Variants in ESYT2 observed in about 807,000 individuals in gnomAD.
ESYT2 encodes extended synaptotagmin 2.
In ESYT2, 54 loss-of-function variants were observed where a neutral mutation model predicts 107.2. The ratio of observed to expected loss-of-function variants is 0.50; its 90% CI spans 0.40 to 0.63. ESYT2 has a LOEUF of 0.63. Ranked by LOEUF, ESYT2 falls within the 30% of genes least tolerant of loss-of-function variation. The pLI is 0.00. For missense variants in ESYT2, 1,020 were observed against 1,094.5 expected (o/e 0.93, Z 0.96); for synonymous variants, 491 against 434.1 (o/e 1.13, Z -1.63).
At chr7:158,761,235 AGTTTATGCTTCATATCC>A (rs1271667978) in intron 11 of ESYT2, among the ~76,000 whole-genome samples, 1 of 152,370 alleles carries the variant, frequency 6.6e-6, no homozygotes, top group Admixed American at 6.5e-5. Context: ...CAATAACGTC[AGTTTATGCTTCATATCC>A]GTAAGGATTC....
chr7:158,804,480 AGGGTG>A (rs1839759352), intron 1 of ESYT2, among the ~76,000 whole-genome samples: 1 of 149,346 alleles, frequency 6.7e-6, no homozygotes, highest in African/African-American at 2.5e-5. Flanking sequence ...ACTGCCGAGA[AGGGTG>A]AGGCGCGTGA....
intron 13 of ESYT2, among the ~76,000 whole-genome samples, chr7:158,755,146 G>C (rs939098804): frequency 4.6e-5 from 7 of 152,128 alleles, no homozygotes; most frequent in Admixed American, 4.6e-4. Context: ...ATCGCTGGTG[G>C]CAATGCACTC....
rs370342534 is a variant in ESYT2, at chr7:158,738,915, TGA to T, written c.2267+106_2267+107del. On this transcript the variant is annotated intron_variant, in intron 19 of 22. Transcript: ENST00000275418. ...GTTTAATTGCTTTGTCCTTTCTAAATGAAACATAAATGGATGTTTGGAAATCC... is the reference window on the plus strand; with the variant it reads ...GTTTAATTGCTTTGTCCTTTCTAAATAACATAAATGGATGTTTGGAAATCC... 295 of 1,143,098 alleles carry T rather than the reference TGA, an allele frequency of 2.6e-4. 5 individuals are homozygous for T. The highest frequency in any genetic ancestry group is 2.4e-3 in the South Asian group (175 of 71,792). 70.8% of individuals were successfully genotyped at this position (1,143,098 alleles called of 1,614,324 possible).
intron 6 of ESYT2, among the ~76,000 whole-genome samples, chr7:158,778,827 C>T (rs1361450461): frequency 1.3e-5 from 2 of 151,272 alleles, no homozygotes; most frequent in Non-Finnish European, 2.9e-5. Flanking sequence ...GACATCACAC[C>T]GTGTGACTGG....
chr7:158,742,954 G>T (rs577601404), intron 17 of ESYT2, among the ~76,000 whole-genome samples: 1 of 152,284 alleles, frequency 6.6e-6, no homozygotes, highest in East Asian at 1.9e-4. Flanking sequence ...CTCAATAGAA[G>T]ACATTTGTAA....
At chr7:158,781,700 G>A (rs1838824401) in intron 6 of ESYT2, among the ~76,000 whole-genome samples, 1 of 151,622 alleles carries the variant, frequency 6.6e-6, no homozygotes. Flanking sequence ...AAGTGTCAGA[G>A]GTGGGAGTGT....
At chr7:158,813,390 G>A (rs1386767701) in intron 1 of ESYT2, among the ~76,000 whole-genome samples, 1 of 152,162 alleles carries the variant, frequency 6.6e-6, no homozygotes, top group Admixed American at 6.5e-5. Context: ...CTGAAAATGA[G>A]CTGTACTGTA....
rs555280922 is a variant in ESYT2, at chr7:158,816,178, A to C, written c.330+12911T>G. On this transcript the variant is annotated intron_variant, in intron 1 of 22. Coordinates refer to ENST00000275418, the MANE Select transcript of ESYT2 (RefSeq NM_001367773.1). ...CAACACAGTGAGACTCCATCTCTAC[A>C]AAAAATGTTTAAAATTAGCTAATTA... Among the ~76,000 whole-genome samples, 328 of 152,292 alleles carry C rather than the reference A, an allele frequency of 2.2e-3. 2 individuals are homozygous for C. The highest frequency in any genetic ancestry group is 3.0e-3 in the Non-Finnish European group (202 of 68,016).
In ESYT2 at chr7:158,829,265, C is replaced by A. The variant is rs1461685941; in HGVS notation, c.154G>T (p.Ala52Ser). Residue 52 changes from alanine to serine, a missense_variant, in exon 1 of 23, where the codon GCG becomes TCG. Physicochemically the swap from Ala to Ser is moderately conservative, Grantham distance 99. Coordinates refer to ENST00000275418, the MANE Select transcript of ESYT2 (RefSeq NM_001367773.1). ...AAGCTGAGCCCCAGGTAGCCCAGCG[C>A]GTACACGGGCAGCAGCAGCGCGAAG... ...RSFALLLPVY[A>S]LGYLGLSFSW... The A allele has an allele frequency of 1.3e-6, 2 of 1,523,886 alleles. No homozygotes were observed. Among genetic ancestry groups the A allele is most frequent in the Non-Finnish European group, 1.7e-6 (2 of 1,144,314 alleles). 94.4% of individuals were successfully genotyped at this position (1,523,886 alleles called of 1,614,324 possible).
At chr7:158,823,332 T>TC (rs1380468849) in intron 1 of ESYT2, among the ~76,000 whole-genome samples, 1 of 144,854 alleles carries the variant, frequency 6.9e-6, no homozygotes, top group African/African-American at 2.5e-5. Flanking sequence ...GACATTGGAT[T>TC]TTTTTTTTTT....
intron 1 of ESYT2, among the ~76,000 whole-genome samples, chr7:158,820,691 C>G (rs1407789274): frequency 3.3e-5 from 5 of 152,200 alleles, no homozygotes; most frequent in African/African-American, 9.6e-5. Flanking sequence ...GAGGCTGAGG[C>G]GGGAGGGGTG....
At chr7:158,760,251 G>C in intron 11 of ESYT2, 104 bp from the exon 12 acceptor site, 1 of 978,756 alleles carries the variant, frequency 1.0e-6, no homozygotes, top group Non-Finnish European at 1.6e-6. Context: ...TAACCACGAG[G>C]CATCAACAGT....
intron 15 of ESYT2, 48 bp from the exon 16 acceptor site, chr7:158,748,328 G>A (rs1487416456): frequency 1.4e-6 from 2 of 1,432,974 alleles, no homozygotes; most frequent in Non-Finnish European, 9.8e-7. Context: ...CTGTGGAAAA[G>A]GGCTACTCAT....
rs376461458 is a variant in ESYT2 at position 158,815,347 on chromosome 7, C to T, written c.330+13742G>A. 3.6e-4 allele frequency among the ~76,000 whole-genome samples: 55 copies of T among 152,286 alleles called. 2 individuals carry two copies. In the East Asian group the frequency reaches 6.0e-3, roughly 17 times the overall value. On this transcript the variant is annotated intron_variant, in intron 1 of 22. Transcript: ENST00000275418. ...AGTAATCTCCCACCGCAGCCCCAGCCTCAAACTACTGCTCCTATTGTTCCA... is the reference window on the plus strand; with the variant it reads ...AGTAATCTCCCACCGCAGCCCCAGCTTCAAACTACTGCTCCTATTGTTCCA...
At chr7:158,821,840 G>A (rs530493440) in intron 1 of ESYT2, among the ~76,000 whole-genome samples, 2 of 152,278 alleles carry the variant, frequency 1.3e-5, no homozygotes, top group African/African-American at 2.4e-5. Flanking sequence ...GGCCGCTCGC[G>A]CTGTTGCCAC....
At chr7:158,762,242 C>T (rs192797360) in intron 10 of ESYT2, among the ~76,000 whole-genome samples, 3 of 152,274 alleles carry the variant, frequency 2.0e-5, no homozygotes, top group East Asian at 1.9e-4. Context: ...ACACCGCCTT[C>T]TCTCTGTCCT....
chr7:158,756,702 A>T (rs1014693601), intron 13 of ESYT2, among the ~76,000 whole-genome samples: 3 of 152,048 alleles, frequency 2.0e-5, no homozygotes, highest in African/African-American at 7.2e-5. Flanking sequence ...TGAGATCAGG[A>T]GTTGGAGACC....
intron 1 of ESYT2, 125 bp from the exon 2 acceptor site, chr7:158,799,197 G>A: frequency 1.2e-6 from 1 of 824,760 alleles, no homozygotes. Context: ...AAAACACTCT[G>A]CTCTAAAGCT....
At position 158,754,199 on chromosome 7, in the gene ESYT2, TTTTA is replaced by T. The variant is rs150927267; in HGVS notation, c.1420-1360_1420-1357del. On this transcript the variant is annotated intron_variant, in intron 13 of 22. Transcript: ENST00000275418. ...GAGCCACCTGTGTTTTTTGTTTTGTTTTTATTTATTTATTATTTATATTTTTGAG... is the reference window on the plus strand; with the variant it reads ...GAGCCACCTGTGTTTTTTGTTTTGTTTTTATTTATTATTTATATTTTTGAG... Among the ~76,000 whole-genome samples, 776 of 149,858 alleles carry T rather than the reference TTTTA, an allele frequency of 5.2e-3. 4 individuals are homozygous for T. Among genetic ancestry groups the T allele is most frequent in the African/African-American group, 0.019 (741 of 39,366 alleles).
Sources: gnomAD v4.1 joint callset for allele counts (sites outside exome capture counted in the v4.1 genomes callset) on GRCh38, gnomAD v4.1.1 for gene constraint, MANE v1.5 for transcripts, NCBI Gene and HGNC (gene_info 2026-07-23, HGNC 2026-07-21) for gene names.